Variants in KLHL13 observed in about 807,000 individuals in gnomAD.
The protein encoded by KLHL13 is kelch-like protein 13.
KLHL13 carries 10 observed loss-of-function variants against 37.1 expected under a neutral mutation model. That is an observed-to-expected ratio of 0.27 (90% CI 0.17 to 0.46). The LOEUF (loss-of-function observed/expected upper bound fraction) is 0.46. Ranked by LOEUF, KLHL13 falls within the 20% of genes least tolerant of loss-of-function variation. The pLI, the probability that KLHL13 is intolerant of heterozygous loss-of-function variation, is 1.00. For missense variants in KLHL13, 360 were observed against 509.3 expected (o/e 0.71, Z 2.82); for synonymous variants, 163 against 181.2 (o/e 0.90, Z 0.81).
chrX:117,898,832 C>T (rs1929892783), exon 7 of KLHL13: 1 of 1,050,238 alleles, frequency 9.5e-7, no homozygotes, highest in Non-Finnish European at 1.3e-6. Flanking sequence ...ATATATACTA[C>T]TTAAGGGGGA....
chrX:118,025,178 T>C (rs767255651), intron 1 of KLHL13, among the ~76,000 whole-genome samples: 1 of 111,590 alleles, frequency 9.0e-6, no homozygotes, highest in Non-Finnish European at 1.9e-5. Flanking sequence ...AGCAAGTCTG[T>C]TTTACAGCCC....
intron 1 of KLHL13, among the ~76,000 whole-genome samples, chrX:118,078,726 T>C (rs931006306): frequency 8.9e-6 from 1 of 111,962 alleles, no homozygotes; most frequent in African/African-American, 3.2e-5. Flanking sequence ...CATAAACATT[T>C]GTATACATAT....
intron 1 of KLHL13, among the ~76,000 whole-genome samples, chrX:118,102,185 G>C (rs1444204573): frequency 1.8e-5 from 2 of 111,762 alleles, no homozygotes; most frequent in Non-Finnish European, 3.8e-5. Flanking sequence ...ATGTGTAGCT[G>C]ATGTCATAGA....
At chrX:118,018,483 A>G (rs2054154525) in intron 1 of KLHL13, among the ~76,000 whole-genome samples, 1 of 111,944 alleles carries the variant, frequency 8.9e-6, no homozygotes, top group Admixed American at 9.5e-5. Context: ...ATAGCAGACA[A>G]TGTACTAATA....
chrX:117,978,934 A>T (rs868865455), intron 1 of KLHL13, among the ~76,000 whole-genome samples: 14 of 103,754 alleles, frequency 1.3e-4, no homozygotes, highest in Non-Finnish European at 2.4e-4. Flanking sequence ...ATTTTATTTT[A>T]TTTTTTTTAT....
At chrX:118,094,555 C>T (rs1487026703) in intron 1 of KLHL13, among the ~76,000 whole-genome samples, 1 of 110,184 alleles carries the variant, frequency 9.1e-6, no homozygotes, top group Non-Finnish European at 1.9e-5. Flanking sequence ...CAAAGATACT[C>T]CCCGAGAAGA....
chrX:117,903,157 CAGAG>C (rs1195961322), intron 5 of KLHL13, among the ~76,000 whole-genome samples: 12 of 100,210 alleles, frequency 1.2e-4, no homozygotes, highest in East Asian at 1.2e-3. Context: ...CACACACACA[CAGAG>C]AGAGAGAGAG....
At chrX:118,033,771 C>T (rs1390649756) in intron 1 of KLHL13, among the ~76,000 whole-genome samples, 1 of 110,320 alleles carries the variant, frequency 9.1e-6, no homozygotes, top group African/African-American at 3.3e-5. Flanking sequence ...GGGCTAAATG[C>T]TCCAATTAAA....
intron 3 of KLHL13, 50 bp downstream of exon 4, chrX:117,920,188 A>T (rs1483318014): frequency 8.7e-7 from 1 of 1,145,966 alleles, no homozygotes; most frequent in South Asian, 1.9e-5. Context: ...TTAAACACGG[A>T]TTTTTCATAT....
chrX:118,040,533 A>G (rs996797569), intron 1 of KLHL13, among the ~76,000 whole-genome samples: 1 of 112,001 alleles, frequency 8.9e-6, no homozygotes, highest in East Asian at 2.8e-4. Context: ...AAAAAATAAA[A>G]AAGAATAAAG....
At chrX:117,951,907 T>C (rs1933628571) in intron 1 of KLHL13, among the ~76,000 whole-genome samples, 1 of 111,662 alleles carries the variant, frequency 9.0e-6, no homozygotes, top group Non-Finnish European at 1.9e-5. Context: ...TAAAAGAGGA[T>C]ACAAACAAAT....
At chrX:118,043,145 T>G (rs2148059111) in intron 1 of KLHL13, among the ~76,000 whole-genome samples, 1 of 111,076 alleles carries the variant, frequency 9.0e-6, no homozygotes, top group African/African-American at 3.3e-5. Context: ...GAGAATAAAT[T>G]AATAAATTTA....
chrX:117,960,592 T>C (rs1329886542), intron 1 of KLHL13, among the ~76,000 whole-genome samples: 1 of 112,372 alleles, frequency 8.9e-6, no homozygotes, highest in Non-Finnish European at 1.9e-5. Flanking sequence ...TACTATGTTT[T>C]GAAGATTTTT....
In KLHL13 at chrX:117,927,438, A is replaced by G. The variant is rs758903258; in HGVS notation, c.241-7068T>C. Among the ~76,000 whole-genome samples, 5 of 112,254 alleles carry G rather than the reference A, an allele frequency of 4.5e-5. No individual in the cohort carries two copies. In the South Asian group the frequency reaches 1.9e-3, roughly 42 times the overall value. ...ATTGTCTTTCTGTGGTGAATATTCAATTCAGTTCCTCTCTCTTTGTCTTTG... is the reference window on the plus strand; with the variant it reads ...ATTGTCTTTCTGTGGTGAATATTCAGTTCAGTTCCTCTCTCTTTGTCTTTG... On this transcript the variant is annotated intron_variant, in intron 2 of 6. Coordinates refer to ENST00000262820, the Ensembl canonical transcript of KLHL13.
At chrX:118,016,877 C>A (rs5956852) in intron 1 of KLHL13, among the ~76,000 whole-genome samples, 17,308 of 111,044 alleles carry the variant, frequency 0.16, 1,794 homozygotes, top group African/African-American at 0.38. Flanking sequence ...GAACCTTCTG[C>A]CTAGAGTGTG....
intron 1 of KLHL13, among the ~76,000 whole-genome samples, chrX:117,993,690 A>T (rs2053819787): frequency 1.8e-5 from 2 of 109,871 alleles, no homozygotes; most frequent in Admixed American, 1.9e-4. Flanking sequence ...AAAAAGGTAG[A>T]GGCAAAAAGG....
Position 118,111,520 on chromosome X carries a change from G to T in KLHL13, c.-56+4988C>A, listed in dbSNP as rs775817252. Among the ~76,000 whole-genome samples the T allele has an allele frequency of 4.4e-5, 5 of 112,739 alleles. No homozygotes were observed. The East Asian group carries it at 1.1e-3, about 25-fold the overall frequency. On this transcript the variant is annotated intron_variant, in intron 1 of 6. Transcript: ENST00000371882. ...TGCCTGCAATCCCAGCACTTTGGGAGCCCGAGGTGGGTGGATCACCTGAGG... is the reference window on the plus strand; with the variant it reads ...TGCCTGCAATCCCAGCACTTTGGGATCCCGAGGTGGGTGGATCACCTGAGG...
chrX:117,906,952 T>C (rs1049339357), intron 5 of KLHL13, among the ~76,000 whole-genome samples: 14 of 111,731 alleles, frequency 1.3e-4, no homozygotes, highest in Middle Eastern at 4.2e-3. Flanking sequence ...AAAATGGACC[T>C]ATATTTACCA....
At chrX:117,983,412 T>C (rs2053686809) in intron 1 of KLHL13, 2 of 647,699 alleles carry the variant, frequency 3.1e-6, no homozygotes, top group Non-Finnish European at 4.6e-6. Context: ...TCTCAGGGTC[T>C]TTCATGAAAA....
Sources: allele counts gnomAD v4.1 joint callset (sites outside exome capture counted in the v4.1 genomes callset), GRCh38; gene constraint gnomAD v4.1.1; transcripts MANE v1.5; gene names NCBI Gene and HGNC (gene_info 2026-07-23, HGNC 2026-07-21).